The following PRORP variants were observed in gnomAD, a reference collection of about 807,000 sequenced individuals.
The protein encoded by PRORP is protein only RNase P catalytic subunit, also known as mitochondrial ribonuclease P catalytic subunit.
In PRORP, 51 loss-of-function variants were observed where a neutral mutation model predicts 59.4. The ratio of observed to expected loss-of-function variants is 0.86; its 90% confidence interval spans 0.69 to 1.08. The LOEUF (loss-of-function observed/expected upper bound fraction) is 1.08. PRORP is among the 50% of genes least tolerant of loss of function. PRORP has a pLI of 0.00. For missense variants in PRORP, 646 were observed against 690.3 expected, an observed-to-expected ratio of 0.94 and a Z score of 0.72; for synonymous variants, 231 against 245.6, an observed-to-expected ratio of 0.94 and a Z score of 0.55.
chr14:35,157,136 T>A (rs1445234345), intron 4 of PRORP, among the ~76,000 whole-genome samples: 1 of 152,042 alleles, frequency 6.6e-6, no homozygotes, highest in Non-Finnish European at 1.5e-5. Flanking sequence ...TTTTTATTTT[T>A]AGTAGAGATG....
intron 5 of PRORP, among the ~76,000 whole-genome samples, chr14:35,255,433 A>G (rs115101307): frequency 0.01 from 1,556 of 152,302 alleles, 29 homozygotes; most frequent in African/African-American, 0.035. Flanking sequence ...CCCGGCTGGA[A>G]TAACTGTTTT....
intron 4 of PRORP, among the ~76,000 whole-genome samples, chr14:35,132,902 TTTTTGTTTTGTTTTG>T (rs142726818): frequency 2.0e-4 from 31 of 151,266 alleles, no homozygotes; most frequent in African/African-American, 3.4e-4. Context: ...AGTTAGTGTT[TTTTTGTTTTGTTTTG>T]TTTTGTTTTG....
Position 35,189,811 on chromosome 14 carries a change from T to A in PRORP, c.1275+9034T>A, listed in dbSNP as rs541875626. 1.6e-4 allele frequency among the ~76,000 whole-genome samples: 24 copies of A among 152,232 alleles called. No individual in the cohort carries two copies. In the East Asian group the frequency reaches 2.1e-3, roughly 13 times the overall value. On this transcript the variant is annotated intron_variant, in intron 5 of 7. Coordinates refer to ENST00000534898, the MANE Select transcript of PRORP (RefSeq NM_014672.4). ...CAAAATACATGAGATAAAATTTTTT[T>A]AAAAAATAAGCATAGCAGGCTGGGC...
rs1566437114 is a variant in PRORP at position 35,123,382 on chromosome 14, T to C, written c.137T>C (p.Phe46Ser). ...RCGIRNQQRL[F>S]SLKTMSPQNT... ...GGCATCAGGAACCAGCAGAGGTTGTTTTCTCTTAAAACAATGTCTCCACAG... is the reference window on the plus strand; with the variant it reads ...GGCATCAGGAACCAGCAGAGGTTGTCTTCTCTTAAAACAATGTCTCCACAG... The change falls in exon 2 of 8, where the codon TTT becomes TCT. Residue 46 changes from phenylalanine (F) to serine (S), a missense_variant. Phe to Ser is a radical substitution (Grantham distance 155, BLOSUM62 -2). Coordinates refer to ENST00000534898, the MANE Select transcript of PRORP (RefSeq NM_014672.4). 2.5e-6 allele frequency: 4 copies of C among 1,614,170 alleles called. No homozygotes were observed. The highest frequency in any genetic ancestry group is 3.4e-6 in the Non-Finnish European group (4 of 1,180,032).
At chr14:35,174,708 C>T (rs1447718956) in intron 4 of PRORP, among the ~76,000 whole-genome samples, 1 of 151,372 alleles carries the variant, frequency 6.6e-6, no homozygotes, top group African/African-American at 2.4e-5. Context: ...GCCTACAGAA[C>T]AGGACTTAGA....
chr14:35,254,728 T>G (rs1217224179), intron 5 of PRORP, among the ~76,000 whole-genome samples: 1 of 152,140 alleles, frequency 6.6e-6, no homozygotes, highest in Non-Finnish European at 1.5e-5. Flanking sequence ...TTTCCCCCAT[T>G]GCTTTCAGGC....
intron 4 of PRORP, among the ~76,000 whole-genome samples, chr14:35,134,691 A>G (rs140546125): frequency 5.3e-4 from 80 of 152,200 alleles, no homozygotes; most frequent in Non-Finnish European, 7.8e-4. Flanking sequence ...CCACTCTTCC[A>G]TCTCTTCTCA....
At chr14:35,196,320 T>C (rs2049008163) in intron 5 of PRORP, among the ~76,000 whole-genome samples, 1 of 152,038 alleles carries the variant, frequency 6.6e-6, no homozygotes, top group South Asian at 2.1e-4. Flanking sequence ...CCCTGCCATG[T>C]CTACGAAAAA....
chr14:35,199,704 A>G (rs2049099764), intron 5 of PRORP, among the ~76,000 whole-genome samples: 1 of 152,202 alleles, frequency 6.6e-6, no homozygotes, highest in Non-Finnish European at 1.5e-5. Context: ...TTCTTTATAA[A>G]TTACCTAGTT....
chr14:35,163,475 G>A (rs947440450), intron 4 of PRORP, among the ~76,000 whole-genome samples: 1 of 152,042 alleles, frequency 6.6e-6, no homozygotes, highest in South Asian at 2.1e-4. Context: ...GTTTGAGATG[G>A]CATCTTATTG....
At chr14:35,173,144 AG>A (rs1245199675) in intron 4 of PRORP, among the ~76,000 whole-genome samples, 1 of 152,212 alleles carries the variant, frequency 6.6e-6, no homozygotes, top group Non-Finnish European at 1.5e-5. Context: ...CTGGGATTAC[AG>A]GCTTGAGCCA....
chr14:35,157,628 G>A (rs755467407), intron 4 of PRORP, among the ~76,000 whole-genome samples: 1 of 152,144 alleles, frequency 6.6e-6, no homozygotes, highest in Non-Finnish European at 1.5e-5. Context: ...GACCTCAAGT[G>A]ATCTGCCTGC....
At chr14:35,180,174 G>T (rs2048565511) in intron 4 of PRORP, among the ~76,000 whole-genome samples, 1 of 152,206 alleles carries the variant, frequency 6.6e-6, no homozygotes, top group Non-Finnish European at 1.5e-5. Context: ...GGACCCACTT[G>T]AGGAGGCAGT....
intron 5 of PRORP, among the ~76,000 whole-genome samples, chr14:35,220,603 G>A (rs2049747973): frequency 6.6e-6 from 1 of 151,390 alleles, no homozygotes; most frequent in Admixed American, 6.6e-5. Context: ...CAGGAGGGTT[G>A]GGAGCAAACA....
Position 35,193,237 on chromosome 14 carries a change from T to A in PRORP, c.1275+12460T>A, listed in dbSNP as rs370216823. 1.1e-4 allele frequency among the ~76,000 whole-genome samples: 16 copies of A among 152,306 alleles called. No individual in the cohort carries two copies. In the East Asian group the frequency reaches 1.7e-3, roughly 17 times the overall value. On this transcript the variant is annotated intron_variant, in intron 5 of 7. Coordinates refer to ENST00000534898, the MANE Select transcript of PRORP (RefSeq NM_014672.4). The stretch of plus-strand genomic sequence containing the variant: ...TCTGCTCCCTATTTCTGTGGATAAC[T>A]GAGAATTGGTTAAAATGGCTTCAGC...
chr14:35,236,908 T>A (rs572360449), intron 5 of PRORP, among the ~76,000 whole-genome samples: 7 of 151,648 alleles, frequency 4.6e-5, no homozygotes, highest in Admixed American at 6.6e-5. Context: ...TCTCTCTCTC[T>A]CTCATCTTCT....
intron 5 of PRORP, among the ~76,000 whole-genome samples, chr14:35,203,229 C>T (rs748334000): frequency 2.6e-5 from 4 of 152,086 alleles, no homozygotes; most frequent in Non-Finnish European, 4.4e-5. Flanking sequence ...TTTGGCTGTA[C>T]CTGTTTTTCA....
At chr14:35,217,609 T>TTC (rs1431088593) in intron 5 of PRORP, among the ~76,000 whole-genome samples, 1 of 152,180 alleles carries the variant, frequency 6.6e-6, no homozygotes, top group Non-Finnish European at 1.5e-5. Flanking sequence ...TTTTTTCTCT[T>TTC]TGAGTTGATT....
intron 5 of PRORP, among the ~76,000 whole-genome samples, chr14:35,200,562 C>A (rs893313889): frequency 6.6e-6 from 1 of 151,954 alleles, no homozygotes; most frequent in South Asian, 2.1e-4. Flanking sequence ...CTCATTTAAA[C>A]TATTTTAAAA....
Sources: allele counts gnomAD v4.1 joint callset (sites outside exome capture counted in the v4.1 genomes callset), GRCh38; gene constraint gnomAD v4.1.1; transcripts MANE v1.5; gene names NCBI Gene and HGNC (gene_info 2026-07-23, HGNC 2026-07-21).